LRIF1: variants seen among roughly 807,000 people sequenced by gnomAD.
The protein encoded by LRIF1 is ligand-dependent nuclear receptor-interacting factor 1.
LRIF1 carries 32 observed loss-of-function variants against 52.7 expected under a neutral mutation model. The ratio of observed to expected loss-of-function variants is 0.61; its 90% confidence interval spans 0.46 to 0.82. LRIF1 has a LOEUF of 0.82. LRIF1 is among the 40% of genes least tolerant of loss of function. The pLI, the probability that LRIF1 is intolerant of heterozygous loss-of-function variation, is 0.00. For missense variants in LRIF1, 887 were observed against 892.0 expected (o/e 0.99, Z 0.07); for synonymous variants, 323 against 317.4 (o/e 1.02, Z -0.19).
the LRIF1 span, among the ~76,000 whole-genome samples, chr1:110,923,062 T>C: frequency 6.6e-6 from 1 of 152,142 alleles, no homozygotes; most frequent in Non-Finnish European, 1.5e-5. Context: ...ACCAGCACTT[T>C]GGGAGGCTGA....
At chr1:110,955,733 G>T (rs1401079918) in intron 1 of LRIF1, among the ~76,000 whole-genome samples, 1 of 152,198 alleles carries the variant, frequency 6.6e-6, no homozygotes, top group African/African-American at 2.4e-5. Flanking sequence ...TGACTGTCAA[G>T]GGGAAGAGAA....
At chr1:110,906,535 T>C in the LRIF1 span, among the ~76,000 whole-genome samples, 1 of 151,880 alleles carries the variant, frequency 6.6e-6, no homozygotes, top group Non-Finnish European at 1.5e-5. Flanking sequence ...CAGGGTGAGA[T>C]CCTGTCTCAA....
rs865904294 is a variant in LRIF1, at chr1:110,951,478, C to T, written c.1406G>A (p.Ser469Asn). The T allele has an allele frequency of 5.0e-6, 8 of 1,613,976 alleles. No individual in the cohort carries two copies. In the African/African-American group the frequency reaches 1.1e-4, roughly 22 times the overall value. Residue 469 changes from serine (S) to asparagine (N), a missense_variant, in exon 2 of 4, where the codon AGT becomes AAT. By Grantham distance (46) the Ser-to-Asn change is conservative. Transcript: ENST00000369763. ...GATTGGATTTGTGAATAAAGTCTTA[C>T]TCTGTTTTAAGTAGTTACTGGATTG... Reference protein sequence around the residue: ...MNQSSNYLKQSKTLFTNPIFP... With the variant: ...MNQSSNYLKQNKTLFTNPIFP...
intron 2 of LRIF1, among the ~76,000 whole-genome samples, chr1:110,951,078 T>A (rs943270876): frequency 6.6e-6 from 1 of 152,312 alleles, no homozygotes; most frequent in Middle Eastern, 3.4e-3. Flanking sequence ...AGAGAAAGAC[T>A]GTACTCCTTT....
the LRIF1 span, among the ~76,000 whole-genome samples, chr1:110,919,482 T>C: frequency 6.6e-6 from 1 of 152,180 alleles, no homozygotes; most frequent in Non-Finnish European, 1.5e-5. Context: ...GACAGCCTAT[T>C]GTGGGAACTT....
At chr1:110,945,403 C>T (rs1022693464), downstream of LRIF1, among the ~76,000 whole-genome samples, 10 of 151,720 alleles carry the variant, frequency 6.6e-5, no homozygotes, top group African/African-American at 1.7e-4. Flanking sequence ...TTCCTTCTTC[C>T]GTTCCTCTTT....
chr1:110,931,442 C>T, the LRIF1 span, among the ~76,000 whole-genome samples: 2 of 152,184 alleles, frequency 1.3e-5, no homozygotes, highest in Non-Finnish European at 2.9e-5. Context: ...GCGCAAGAAA[C>T]ATATGTGTGC....
intron 1 of LRIF1, among the ~76,000 whole-genome samples, chr1:110,958,941 A>C (rs1450346387): frequency 6.6e-6 from 1 of 152,236 alleles, no homozygotes; most frequent in Non-Finnish European, 1.5e-5. Flanking sequence ...GTAATAACTC[A>C]GGATGAAATT....
chr1:110,946,650 CCTTT>C (rs1325047234), downstream of LRIF1, among the ~76,000 whole-genome samples: 16 of 130,202 alleles, frequency 1.2e-4, no homozygotes, highest in Non-Finnish European at 2.3e-4. Context: ...GAGATTTGAT[CCTTT>C]TTTTTTTTTT....
chr1:110,878,524 C>T, the LRIF1 span, among the ~76,000 whole-genome samples: 1 of 152,142 alleles, frequency 6.6e-6, no homozygotes, highest in Non-Finnish European at 1.5e-5. Flanking sequence ...AGATTTTATG[C>T]TTTCTTCTTT....
At chr1:110,897,015 A>G in the LRIF1 span, among the ~76,000 whole-genome samples, 4 of 152,222 alleles carry the variant, frequency 2.6e-5, no homozygotes, top group Non-Finnish European at 5.9e-5. Context: ...TTGTGTCTAG[A>G]TATTTCTTAA....
At chr1:110,939,251 G>C in the LRIF1 span, 2 of 151,576 alleles carry the variant, frequency 1.3e-5, no homozygotes, top group Non-Finnish European at 2.9e-5. Flanking sequence ...GTTGGCGGGC[G>C]CCTGTAGTCC....
intron 1 of LRIF1, among the ~76,000 whole-genome samples, chr1:110,959,610 C>T (rs1215919264): frequency 6.6e-6 from 1 of 151,166 alleles, no homozygotes; most frequent in Non-Finnish European, 1.5e-5. Flanking sequence ...ATTAGCCGGG[C>T]GTGGTGGCAC....
chr1:110,876,940 C>T, the LRIF1 span, among the ~76,000 whole-genome samples: 1 of 152,156 alleles, frequency 6.6e-6, no homozygotes, highest in African/African-American at 2.4e-5. Flanking sequence ...GCCCTTTCCC[C>T]TAAGAATGTT....
At chr1:110,896,504 T>C in the LRIF1 span, 4 of 675,688 alleles carry the variant, frequency 5.9e-6, no homozygotes, top group East Asian at 1.1e-4. Flanking sequence ...TAGAAAGCAC[T>C]TTGTTTTAAG....
the LRIF1 span, among the ~76,000 whole-genome samples, chr1:110,887,626 G>T: frequency 6.6e-6 from 1 of 152,106 alleles, no homozygotes; most frequent in Non-Finnish European, 1.5e-5. Context: ...AAGATTTGTT[G>T]GGTAGAACAG....
rs1658264036 is a variant in LRIF1, at chr1:110,947,788, C to T, written c.*171G>A. On this transcript the variant is annotated 3_prime_UTR_variant, in exon 4 of 4. Transcript: ENST00000369763. Reference sequence around the variant, plus strand: ...ATAGATACCCCATGTAAATTATTCACAAGTCATATGTGAATCAACCTTTTC... The same window carrying T: ...ATAGATACCCCATGTAAATTATTCATAAGTCATATGTGAATCAACCTTTTC... 1.2e-6 allele frequency: 1 copy of T among 809,446 alleles called. No individual in the cohort carries two copies. Among genetic ancestry groups the T allele is most frequent in the Admixed American group, 3.6e-5 (1 of 27,842 alleles). 50.1% of individuals were successfully genotyped at this position (809,446 alleles called of 1,614,324 possible).
chr1:110,891,548 C>A, the LRIF1 span: 2 of 1,101,554 alleles, frequency 1.8e-6, no homozygotes, highest in Non-Finnish European at 2.8e-6. Context: ...ACTGAAGAGG[C>A]TGGTGTGGGG....
At chr1:110,895,133 T>C in the LRIF1 span, 1 of 1,050,174 alleles carries the variant, frequency 9.5e-7, no homozygotes, top group Admixed American at 1.8e-5. Flanking sequence ...TAGTTCCTTT[T>C]TCTGGAAGTT....
Sources: gnomAD v4.1 joint callset for allele counts (sites outside exome capture counted in the v4.1 genomes callset) on GRCh38, gnomAD v4.1.1 for gene constraint, MANE v1.5 for transcripts, NCBI Gene and HGNC (gene_info 2026-07-23, HGNC 2026-07-21) for gene names.